Variants in ANK1 observed in about 807,000 individuals in gnomAD.
The protein encoded by ANK1 is ankyrin-1.
In ANK1, 51 loss-of-function variants were observed where a neutral mutation model predicts 210.4. That is an observed-to-expected ratio of 0.24 (90% CI 0.19 to 0.31). The LOEUF is 0.31. ANK1 is among the 10% of genes least tolerant of loss of function. The probability of loss-of-function intolerance (pLI) is 1.00; values close to 1 mark genes in which losing one functional copy is unlikely to be tolerated. For synonymous variants in ANK1, 967 were observed against 1,025.9 expected (o/e 0.94, Z 1.10); for missense variants, 2,051 against 2,504.4 (o/e 0.82, Z 3.86).
chr8:41,795,344 C>G (rs1325524265), intron 1 of ANK1, among the ~76,000 whole-genome samples: 3 of 151,832 alleles, frequency 2.0e-5, no homozygotes, highest in Non-Finnish European at 4.4e-5. Flanking sequence ...GAGACTGAGA[C>G]TTAAAAATAC....
chr8:41,668,426 A>T lies in ANK1; in HGVS notation c.5235T>A (p.Gly1745=). Residue 1745 remains glycine (G), a synonymous_variant, in exon 39 of 43, where the codon GGT becomes GGA. Transcript: ENST00000289734. ...TSTMTEGLEP[G]GSQEYEKVLV... is the part of the protein sequence containing the mutation. ...GGACCTTCTCGTACTCCTGAGATCC[A>T]CCGGGCTCTAGCCCTTCAGTCATGG... is the stretch of plus-strand genomic sequence containing the variant. 8 of 1,614,214 alleles carry T rather than the reference A, an allele frequency of 5.0e-6. No homozygotes were observed. The highest frequency in any genetic ancestry group is 6.8e-6 in the Non-Finnish European group (8 of 1,180,032).
chr8:41,719,981 G>A lies in ANK1; in HGVS notation c.910-123C>T, dbSNP rs1586430846. On this transcript the variant is annotated intron_variant, in intron 9 of 42. Transcript: ENST00000289734. ...CACAATGTTTCCACAAGTCTCTGGA[G>A]GGAGCTTGGCTCACCCTGGCCTCCA... The A allele has an allele frequency of 3.3e-6, 4 of 1,209,988 alleles. No individual in the cohort carries two copies. In the East Asian group the frequency reaches 7.5e-5, roughly 23 times the overall value. 75.0% of individuals were successfully genotyped at this position (1,209,988 alleles called of 1,614,324 possible).
At chr8:41,836,435 C>G (rs1053872672) in intron 1 of ANK1, among the ~76,000 whole-genome samples, 1 of 152,242 alleles carries the variant, frequency 6.6e-6, no homozygotes. Flanking sequence ...CTCATTGTGG[C>G]TGCAGGCACC....
intron 39 of ANK1, chr8:41,663,964 T>C: frequency 1.5e-6 from 1 of 645,676 alleles, no homozygotes; most frequent in Non-Finnish European, 2.9e-6. Flanking sequence ...ACGGTCGAGC[T>C]CACAATTGTG....
chr8:41,729,127 G>A (rs916157731), intron 3 of ANK1, among the ~76,000 whole-genome samples: 1 of 152,198 alleles, frequency 6.6e-6, no homozygotes, highest in Non-Finnish European at 1.5e-5. Context: ...GATGTATGTA[G>A]GGAAGAGAAG....
intron 11 of ANK1, 34 bp from the exon 12 acceptor site, chr8:41,717,736 G>A (rs1301328261): frequency 6.7e-7 from 1 of 1,500,976 alleles, no homozygotes; most frequent in Non-Finnish European, 9.1e-7. Flanking sequence ...CGATAAGTGG[G>A]AGTCTTTCCG....
At chr8:41,717,164 T>A in intron 12 of ANK1, 113 bp from the exon 13 acceptor site, 1 of 1,096,678 alleles carries the variant, frequency 9.1e-7, no homozygotes, top group Non-Finnish European at 1.4e-6. Context: ...GTCCAAGAGG[T>A]GGAGTTGCCC....
intron 16 of ANK1, among the ~76,000 whole-genome samples, chr8:41,709,655 G>T (rs1825627408): frequency 2.0e-5 from 3 of 152,202 alleles, no homozygotes; most frequent in Admixed American, 1.3e-4. Flanking sequence ...TAAAAAGTTG[G>T]CAGGGCACAG....
intron 37 of ANK1, among the ~76,000 whole-genome samples, chr8:41,684,260 C>G (rs1816999575): frequency 1.3e-5 from 2 of 152,222 alleles, no homozygotes; most frequent in African/African-American, 4.8e-5. Context: ...TACACCACGC[C>G]CTGTGGGGAC....
At position 41,701,533 on chromosome 8, in the gene ANK1, C is replaced by T; in HGVS notation, c.2461+17G>A. On this transcript the variant is annotated intron_variant, in intron 22 of 42. Coordinates refer to ENST00000289734, the MANE Select transcript of ANK1 (RefSeq NM_000037.4). ...CCCTCTGTCCCCACCAGCCTGAGCT[C>T]TTTACCCCAACGTTACCTTCATCTT... The T allele has an allele frequency of 1.2e-6, 2 of 1,613,898 alleles. No homozygotes were observed. The highest frequency in any genetic ancestry group is 1.7e-6 in the Non-Finnish European group (2 of 1,179,834).
intron 6 of ANK1, among the ~76,000 whole-genome samples, chr8:41,725,166 C>G (rs1305255931): frequency 6.6e-6 from 1 of 152,250 alleles, no homozygotes; most frequent in Admixed American, 6.5e-5. Context: ...CAGGCCTAAC[C>G]CCACCCAGGT....
Position 41,693,188 on chromosome 8 carries a change from T to G in ANK1, c.3546A>C (p.Gln1182His), listed in dbSNP as rs1428740502. 6.2e-7 allele frequency: 1 copy of G among 1,612,016 alleles called. No homozygotes were observed. The highest frequency in any genetic ancestry group is 1.1e-5 in the South Asian group (1 of 91,052). Residue 1182 changes from glutamine (Q) to histidine (H), a missense_variant, in exon 30 of 43, where the codon CAA (glutamine) becomes CAC (histidine). Gln to His is a conservative substitution (Grantham distance 24). Around this residue, in one of 6 missense-constraint regions of ANK1, gnomAD observed 1,413 missense variants for 1,707.4 expected, o/e 0.83. Transcript: ENST00000289734. ...LLCSVIGGTD[Q>H]AQWEDITGTT... is the part of the protein sequence containing the mutation. ...TTCCTGTTATGTCTTCCCACTGGGC[T>G]TGGTCTGTTCCTCCTGTAACAGCGG...
chr8:41,689,675 C>T (rs571305134), intron 33 of ANK1, among the ~76,000 whole-genome samples: 1 of 152,252 alleles, frequency 6.6e-6, no homozygotes, highest in East Asian at 1.9e-4. Flanking sequence ...CAGGTATCGA[C>T]AAATGAACAT....
chr8:41,665,659 C>T lies in ANK1; in HGVS notation c.5395-1917G>A, dbSNP rs117227707. On this transcript the variant is annotated intron_variant, in intron 39 of 42. Coordinates refer to ENST00000289734, the MANE Select transcript of ANK1 (RefSeq NM_000037.4). ...ACCAGCTAATACCCTGGGTACTTAG[C>T]GGTCTGTTTCAAAAATTGCTCCAAA... 1,246 of 214,622 alleles carry T rather than the reference C, an allele frequency of 5.8e-3. 7 individuals carry two copies. The highest frequency in any genetic ancestry group is 7.3e-3 in the Non-Finnish European group (767 of 105,748). 13.3% of individuals were successfully genotyped at this position (214,622 alleles called of 1,614,324 possible). A position where few individuals can be genotyped will look rare whatever the true frequency, so the allele number is the denominator to read the frequency against.
Position 41,797,365 on chromosome 8 carries a change from C to CTTG in ANK1, c.27+146_27+147insCAA. On this transcript the variant is annotated intron_variant, in intron 1 of 42. Transcript: ENST00000289734. This position sits in a 1 kb window ranked among gnomAD's most constrained non-coding sequence, Gnocchi z 4.0. ...TGCCTTCAGCTACAAGGTCGATGTGCCGCTATGCTAAGGCAGGGAGCCCAC... is the reference window on the plus strand; with the variant it reads ...TGCCTTCAGCTACAAGGTCGATGTGCTTGCGCTATGCTAAGGCAGGGAGCCCAC... 1 of 688,284 alleles carries CTTG rather than the reference C, an allele frequency of 1.5e-6. No homozygotes were observed. Among genetic ancestry groups the CTTG allele is most frequent in the Non-Finnish European group, 2.6e-6 (1 of 385,674 alleles). 42.6% of individuals were successfully genotyped at this position (688,284 alleles called of 1,614,324 possible).
intron 12 of ANK1, 39 bp downstream of exon 12, chr8:41,717,565 G>T (rs1189297272): frequency 6.6e-7 from 1 of 1,517,346 alleles, no homozygotes; most frequent in Non-Finnish European, 8.9e-7. Flanking sequence ...CTGAGCTCTT[G>T]GTCTAGGGGA....
intron 2 of ANK1, among the ~76,000 whole-genome samples, chr8:41,737,330 ATG>A (rs1355652306): frequency 1.3e-5 from 2 of 152,054 alleles, no homozygotes; most frequent in African/African-American, 4.8e-5. Flanking sequence ...ACCCAAAACG[ATG>A]TGTTTCTTTT....
At position 41,701,615 on chromosome 8, in the gene ANK1, C is replaced by A. The variant is rs1380184651; in HGVS notation, c.2396G>T (p.Ser799Ile). 1.2e-6 allele frequency: 2 copies of A among 1,614,002 alleles called. No individual in the cohort carries two copies. Among genetic ancestry groups the A allele is most frequent in the Non-Finnish European group, 1.7e-6 (2 of 1,180,006 alleles). ...VTDETSFVLV[S>I]DKHRMSFPET... ...AGGGAAACTCATTCGATGCTTATCA[C>A]TGACTAACTAAAACGAGAAAAAGCA... is the stretch of plus-strand genomic sequence containing the variant. Residue 799 changes from serine to isoleucine, a missense_variant, in exon 22 of 43, where the codon AGT becomes ATT. Physicochemically the swap from Ser to Ile is moderately radical, Grantham distance 142. Transcript: ENST00000289734.
At chr8:41,889,314 T>G (rs1174160326) in intron 1 of ANK1, among the ~76,000 whole-genome samples, 1 of 152,220 alleles carries the variant, frequency 6.6e-6, no homozygotes, top group Non-Finnish European at 1.5e-5. Flanking sequence ...ATCAACCTAT[T>G]GGGCGACAGA....
Sources: allele counts gnomAD v4.1 joint callset (sites outside exome capture counted in the v4.1 genomes callset), GRCh38; gene constraint gnomAD v4.1.1; regional missense constraint gnomAD v4.1.1; non-coding constraint Gnocchi (gnomAD v3.1); transcripts MANE v1.5; gene names NCBI Gene and HGNC (gene_info 2026-07-23, HGNC 2026-07-21).